The following RFX7 variants were observed in gnomAD, a reference collection of about 807,000 sequenced individuals.
RFX7 encodes DNA-binding protein RFX7.
In RFX7, 26 loss-of-function variants were observed where a neutral mutation model predicts 111.8. That is an observed-to-expected ratio of 0.23 (90% confidence interval 0.17 to 0.32). RFX7 has a LOEUF of 0.32. Among genes scored for constraint, RFX7 ranks in the 10% least tolerant of loss-of-function variants. RFX7 has a pLI of 1.00. For missense variants in RFX7, 1,573 were observed against 1,772.9 expected (o/e 0.89, Z 2.02); for synonymous variants, 624 against 624.4 (o/e 1.00, Z 0.01).
intron 3 of RFX7, among the ~76,000 whole-genome samples, chr15:56,167,830 A>AT (rs1234226198): frequency 6.6e-6 from 1 of 152,176 alleles, no homozygotes; most frequent in African/African-American, 2.4e-5. Context: ...TATTGTAGCT[A>AT]TTTCACTTTA....
rs139725163 is a variant in RFX7 at position 56,200,529 on chromosome 15, G to A, written c.162-21226C>T. On this transcript the variant is annotated intron_variant, in intron 2 of 9. Coordinates refer to ENST00000559447, the MANE Select transcript of RFX7 (RefSeq NM_022841.7). ...GTATCTAATGTTACATTAAGAAAAA[G>A]TCGTAAAAGTGCTGTAATCCCAGCA... Among the ~76,000 whole-genome samples, 325 of 151,966 alleles carry A rather than the reference G, an allele frequency of 2.1e-3. 3 individuals are homozygous for A. The highest frequency in any genetic ancestry group is 7.6e-3 in the African/African-American group (312 of 41,300).
At chr15:56,143,942 C>G (rs1255352763) in intron 4 of RFX7, among the ~76,000 whole-genome samples, 2 of 152,036 alleles carry the variant, frequency 1.3e-5, no homozygotes, top group Non-Finnish European at 2.9e-5. Flanking sequence ...ATAGTAATAC[C>G]CCAAGCACTT....
rs1212428527 is a variant in RFX7 at position 56,103,648 on chromosome 15, A to C, written c.424T>G (p.Tyr142Asp). Residue 142 changes from tyrosine to aspartate, a missense_variant, in exon 6 of 10, where the codon TAC becomes GAC. By Grantham distance (160) the Tyr-to-Asp change is radical (BLOSUM62 -3). Around this residue, in one of 7 missense-constraint regions of RFX7, gnomAD observed 191 missense variants for 194.2 expected, o/e 0.98. Coordinates refer to ENST00000559447, the MANE Select transcript of RFX7 (RefSeq NM_022841.7). ...AAATCAGCAGCACTTAATGGATGGT[A>C]ACCAAGATTGTCACAATAGCTCCTG... Reference protein sequence around the residue: ...EYKSYCDNLGYHPLSAADFGK... With the variant: ...EYKSYCDNLGDHPLSAADFGK... 1 of 1,597,106 alleles carries C rather than the reference A, an allele frequency of 6.3e-7. No individual in the cohort carries two copies. The highest frequency in any genetic ancestry group is 8.5e-7 in the Non-Finnish European group (1 of 1,170,960).
At chr15:56,236,457 A>G (rs1259505257) in intron 2 of RFX7, among the ~76,000 whole-genome samples, 9 of 152,206 alleles carry the variant, frequency 5.9e-5, no homozygotes, top group African/African-American at 2.2e-4. Flanking sequence ...CAGAAGAGAA[A>G]GCAACTAAAA....
At chr15:56,175,513 A>C (rs2042894577) in intron 3 of RFX7, among the ~76,000 whole-genome samples, 2 of 152,190 alleles carry the variant, frequency 1.3e-5, no homozygotes, top group Non-Finnish European at 2.9e-5. Context: ...CACAGTAAAC[A>C]AGACAGTGTA....
At chr15:56,157,814 A>G (rs1395005897) in intron 3 of RFX7, among the ~76,000 whole-genome samples, 1 of 152,150 alleles carries the variant, frequency 6.6e-6, no homozygotes, top group Non-Finnish European at 1.5e-5. Flanking sequence ...TCCTGACCTC[A>G]ATGATCTGCC....
chr15:56,181,527 C>G (rs1253703080), intron 2 of RFX7, among the ~76,000 whole-genome samples: 1 of 151,822 alleles, frequency 6.6e-6, no homozygotes, highest in Non-Finnish European at 1.5e-5. Context: ...GCTGTATCAT[C>G]TGGTATATGT....
intron 5 of RFX7, among the ~76,000 whole-genome samples, chr15:56,111,266 G>T (rs1567011935): frequency 6.6e-6 from 1 of 150,904 alleles, no homozygotes; most frequent in African/African-American, 2.4e-5. Context: ...TGTAGAAAGA[G>T]GTAGACATGG....
intron 2 of RFX7, among the ~76,000 whole-genome samples, chr15:56,220,244 T>C (rs2141213766): frequency 6.6e-6 from 1 of 152,314 alleles, no homozygotes; most frequent in Non-Finnish European, 1.5e-5. Flanking sequence ...TTATTTATTT[T>C]TTTGAGACAG....
intron 2 of RFX7, among the ~76,000 whole-genome samples, chr15:56,225,326 C>T (rs16976826): frequency 0.2 from 30,706 of 151,930 alleles, 3,509 homozygotes; most frequent in East Asian, 0.45. Context: ...CTTATAAAAC[C>T]GGATTTCTCT....
Position 56,202,087 on chromosome 15 carries a change from C to T in RFX7, c.162-22784G>A, listed in dbSNP as rs553046240. Among the ~76,000 whole-genome samples the T allele has an allele frequency of 6.6e-5, 10 of 152,048 alleles. No individual in the cohort carries two copies. The East Asian group carries it at 1.4e-3, about 21-fold the overall frequency. On this transcript the variant is annotated intron_variant, in intron 2 of 9. Transcript: ENST00000559447. Reference sequence around the variant, plus strand: ...ACCACACAGCCACACAGAAAAACTGCCAAGTAACACAATTTTTCCCCAGAC... The same window carrying T: ...ACCACACAGCCACACAGAAAAACTGTCAAGTAACACAATTTTTCCCCAGAC...
Position 56,094,587 on chromosome 15 carries a change from T to C in RFX7, c.3141A>G (p.Lys1047=). ...DASIVSSSPV[K]PMQRPMATHP... The stretch of plus-strand genomic sequence containing the variant: ...GTGTGGCCATGGGTCTTTGCATCGG[T>C]TTCACAGGACTACTTGAGACAATGC... The change falls in exon 10 of 10, where the codon AAA becomes AAG. Residue 1047 remains lysine, a synonymous_variant. Coordinates refer to ENST00000559447, the MANE Select transcript of RFX7 (RefSeq NM_022841.7). The C allele has an allele frequency of 1.9e-6, 3 of 1,613,910 alleles. No homozygotes were observed. Among genetic ancestry groups the C allele is most frequent in the Non-Finnish European group, 2.5e-6 (3 of 1,179,864 alleles).
intron 4 of RFX7, among the ~76,000 whole-genome samples, chr15:56,144,086 G>A (rs1383592152): frequency 6.6e-6 from 1 of 152,020 alleles, no homozygotes; most frequent in Non-Finnish European, 1.5e-5. Context: ...ATACTTATCT[G>A]TTTATTCTTT....
intron 5 of RFX7, among the ~76,000 whole-genome samples, chr15:56,118,761 G>T (rs1257545763): frequency 1.3e-5 from 2 of 152,132 alleles, no homozygotes; most frequent in African/African-American, 4.8e-5. Context: ...GTTTATTGAA[G>T]AACTTCCTAA....
Position 56,144,473 on chromosome 15 carries a change from T to A in RFX7, c.206A>T (p.Glu69Val). The stretch of plus-strand genomic sequence containing the variant: ...GAGTTTCTCTAGGTCTGTAAACTTC[T>A]CAACTTCTTGCTATTTACAAAGGAT... The part of the protein sequence containing the change: ...SKVDCILQEV[E>V]KFTDLEKLYL... Residue 69 changes from glutamate (E) to valine (V), a missense_variant, in exon 4 of 10, where the codon GAG (glutamate) becomes GTG (valine). Coordinates refer to ENST00000559447, the MANE Select transcript of RFX7 (RefSeq NM_022841.7). The A allele has an allele frequency of 7.3e-7, 1 of 1,363,258 alleles. No homozygotes were observed. The highest frequency in any genetic ancestry group is 1.1e-5 in the South Asian group (1 of 87,816). The allele number at this position is 1,363,258 out of a possible 1,614,324, so 84.4% of individuals were successfully genotyped here. A position where few individuals can be genotyped will look rare whatever the true frequency, so the allele number is the denominator to read the frequency against.
intron 2 of RFX7, among the ~76,000 whole-genome samples, chr15:56,218,126 T>G (rs184864119): frequency 3.4e-5 from 5 of 148,678 alleles, no homozygotes; most frequent in African/African-American, 1.2e-4. Context: ...GTATTACAAG[T>G]AATTTAGAAA....
intron 3 of RFX7, among the ~76,000 whole-genome samples, chr15:56,174,482 C>A (rs1393829750): frequency 6.6e-6 from 1 of 152,100 alleles, no homozygotes; most frequent in Non-Finnish European, 1.5e-5. Flanking sequence ...TTGCTCATAC[C>A]TGTAATCCCA....
intron 3 of RFX7, among the ~76,000 whole-genome samples, chr15:56,170,436 C>T (rs764893429): frequency 6.6e-6 from 1 of 151,942 alleles, no homozygotes; most frequent in Non-Finnish European, 1.5e-5. Context: ...GTTATGGGGG[C>T]GGGGGACATC....
Position 56,144,450 on chromosome 15 carries a change from GT to G in RFX7, c.228del (p.Lys76AsnfsTer41). The G allele has an allele frequency of 7.3e-7, 1 of 1,365,742 alleles. No individual in the cohort carries two copies. The highest frequency in any genetic ancestry group is 9.8e-7 in the Non-Finnish European group (1 of 1,020,262). The allele number at this position is 1,365,742 out of a possible 1,614,324, so 84.6% of individuals were successfully genotyped here. A position where few individuals can be genotyped will look rare whatever the true frequency, so the allele number is the denominator to read the frequency against. ...GAAGGCAGCTGAAGGTAGAGGTAGA[GT>G]TTCTCTAGGTCTGTAAACTTCTCAA... ...QEVEKFTDLEKLYLYLQLPSG... is the reference protein window; with the variant it reads ...QEVEKFTDLEXLYLYLQLPSG... On this transcript the variant is annotated frameshift_variant, in exon 4 of 10. Coordinates refer to ENST00000559447, the MANE Select transcript of RFX7 (RefSeq NM_022841.7). LOFTEE classifies it high-confidence loss of function.
Sources: allele counts gnomAD v4.1 joint callset (sites outside exome capture counted in the v4.1 genomes callset), GRCh38; gene constraint gnomAD v4.1.1; regional missense constraint gnomAD v4.1.1; transcripts MANE v1.5; gene names NCBI Gene and HGNC (gene_info 2026-07-23, HGNC 2026-07-21).